Variants in CEP170 observed in about 807,000 individuals in gnomAD.
CEP170 encodes centrosomal protein of 170 kDa.
In CEP170, 21 loss-of-function variants were observed where a neutral mutation model predicts 151.9. The ratio of observed to expected loss-of-function variants is 0.14; its 90% CI spans 0.10 to 0.20. CEP170 has a LOEUF of 0.20. CEP170 is among the 10% of genes least tolerant of loss of function. CEP170 has a pLI of 1.00. For missense variants in CEP170, 964 were observed against 1,892.9 expected (o/e 0.51, Z 9.11); for synonymous variants, 356 against 648.8 (o/e 0.55, Z 6.86).
intron 1 of CEP170, among the ~76,000 whole-genome samples, chr1:243,233,367 ACT>A (rs936550414): frequency 1.3e-5 from 2 of 152,158 alleles, no homozygotes; most frequent in Non-Finnish European, 2.9e-5. Flanking sequence ...ACAAAGAAAA[ACT>A]CTGCAGCTAT....
rs1015382555 is a variant in CEP170, at chr1:243,255,231, T to G, written c.-233A>C. 1 of 152,574 alleles carries G rather than the reference T, an allele frequency of 6.6e-6. No individual in the cohort carries two copies. Among genetic ancestry groups the G allele is most frequent in the Non-Finnish European group, 1.5e-5 (1 of 68,074 alleles). 9.5% of individuals were successfully genotyped at this position (152,574 alleles called of 1,614,324 possible). On this transcript the variant is annotated 5_prime_UTR_variant, in exon 1 of 20. The change abolishes an upstream ATG in the 5' untranslated region. Coordinates refer to ENST00000366542, the MANE Select transcript of CEP170 (RefSeq NM_014812.3). Reference sequence around the variant, plus strand: ...CGTTATTCCACACACGCCCCACACATAGCGGTAACGGCAAAGACCGACTGC... The same window carrying G: ...CGTTATTCCACACACGCCCCACACAGAGCGGTAACGGCAAAGACCGACTGC...
intron 10 of CEP170, among the ~76,000 whole-genome samples, chr1:243,181,425 G>T (rs2059609190): frequency 6.6e-6 from 1 of 152,128 alleles, no homozygotes; most frequent in African/African-American, 2.4e-5. Context: ...AAAATAAGGT[G>T]ATCTATTGAG....
chr1:243,161,462 A>G (rs2058060472), intron 13 of CEP170, among the ~76,000 whole-genome samples: 1 of 151,916 alleles, frequency 6.6e-6, no homozygotes, highest in African/African-American at 2.4e-5. Context: ...TATCACATAC[A>G]TTTCTTTAAA....
intron 4 of CEP170, among the ~76,000 whole-genome samples, chr1:243,204,989 A>T (rs1230279710): frequency 6.6e-6 from 1 of 152,122 alleles, no homozygotes; most frequent in Non-Finnish European, 1.5e-5. Flanking sequence ...AAAGACAATG[A>T]TCTCCCAGAG....
chr1:243,149,601 A>G (rs1301113522), intron 14 of CEP170, among the ~76,000 whole-genome samples: 1 of 152,234 alleles, frequency 6.6e-6, no homozygotes, highest in Non-Finnish European at 1.5e-5. Flanking sequence ...CTTGGCAGAT[A>G]TGCCTTATTG....
intron 1 of CEP170, among the ~76,000 whole-genome samples, chr1:243,240,107 T>G (rs1189229848): frequency 6.6e-6 from 1 of 152,098 alleles, no homozygotes; most frequent in Non-Finnish European, 1.5e-5. Flanking sequence ...AGTCAGAAGT[T>G]TGAGACCAGT....
intron 14 of CEP170, among the ~76,000 whole-genome samples, chr1:243,147,826 T>G (rs1201922416): frequency 6.6e-6 from 1 of 152,300 alleles, no homozygotes; most frequent in East Asian, 1.9e-4. Flanking sequence ...AAATTTTCAA[T>G]TTGGAATCTT....
At chr1:243,129,335 T>G (rs995762314) in intron 18 of CEP170, 25 bp downstream of exon 18, 8 of 1,528,196 alleles carry the variant, frequency 5.2e-6, no homozygotes, top group Non-Finnish European at 7.0e-6. Context: ...TAAAATGTTT[T>G]AATCTTCAAG....
intron 14 of CEP170, among the ~76,000 whole-genome samples, chr1:243,142,824 A>G (rs2056014014): frequency 6.6e-6 from 1 of 152,170 alleles, no homozygotes; most frequent in Non-Finnish European, 1.5e-5. Context: ...ATGAGAAAAA[A>G]CAATTACAAT....
chr1:243,248,552 C>T (rs141358346), intron 1 of CEP170, among the ~76,000 whole-genome samples: 3,136 of 152,274 alleles, frequency 0.021, 49 homozygotes, highest in Middle Eastern at 0.034. Flanking sequence ...TCCACTTGGG[C>T]GTTTAACAGA....
intron 7 of CEP170, among the ~76,000 whole-genome samples, chr1:243,193,860 A>G (rs2060469266): frequency 1.3e-5 from 2 of 151,788 alleles, no homozygotes; most frequent in Admixed American, 1.3e-4. Flanking sequence ...ATCTTCCCAT[A>G]AGATTGTTGT....
intron 1 of CEP170, among the ~76,000 whole-genome samples, chr1:243,234,069 A>C (rs1419451283): frequency 6.6e-6 from 1 of 152,172 alleles, no homozygotes; most frequent in Non-Finnish European, 1.5e-5. Context: ...ATGGTCTGGC[A>C]ATTGGCTGGC....
intron 6 of CEP170, 137 bp downstream of exon 6, chr1:243,200,381 G>T: frequency 1.4e-6 from 1 of 739,638 alleles, no homozygotes; most frequent in South Asian, 1.9e-5. Flanking sequence ...GAAAGCACTG[G>T]TAGCATTAAA....
At chr1:243,195,009 T>A (rs2060550294) in intron 7 of CEP170, among the ~76,000 whole-genome samples, 1 of 151,854 alleles carries the variant, frequency 6.6e-6, no homozygotes, top group African/African-American at 2.4e-5. Context: ...CCAGAATAAA[T>A]GTTCTTTTCA....
At chr1:243,227,730 GGGCAA>G (rs1442748033) in intron 1 of CEP170, among the ~76,000 whole-genome samples, 5 of 152,156 alleles carry the variant, frequency 3.3e-5, no homozygotes, top group Non-Finnish European at 7.4e-5. Context: ...TGTAATGTCA[GGGCAA>G]ATGTCAATAC....
At chr1:243,197,122 A>C (rs1301054190) in intron 7 of CEP170, among the ~76,000 whole-genome samples, 4 of 152,130 alleles carry the variant, frequency 2.6e-5, no homozygotes. Context: ...TGTGTTATAC[A>C]AAATAAACTG....
chr1:243,165,747 G>C lies in CEP170; in HGVS notation c.2213C>G (p.Thr738Ser), dbSNP rs3766664. 9 of 1,560,464 alleles carry C rather than the reference G, an allele frequency of 5.8e-6. No individual in the cohort carries two copies. Among genetic ancestry groups the C allele is most frequent in the Non-Finnish European group, 7.0e-6 (8 of 1,147,720 alleles). The change falls in exon 13 of 20, where the codon ACT becomes AGT. Residue 738 changes from threonine (T) to serine (S), a missense_variant. Physicochemically the swap from Thr to Ser is moderately conservative, Grantham distance 58. Transcript: ENST00000366542. The stretch of plus-strand genomic sequence containing the variant: ...TGCTAATGTTTGCTTTACCAAAGAA[G>C]TTTCCTTATCAGTTTCACTTTTCTC... The part of the protein sequence containing the change: ...GKEKSETDKE[T>S]SLVKQTLAKL...
intron 1 of CEP170, among the ~76,000 whole-genome samples, chr1:243,242,363 C>A (rs138360690): frequency 0.014 from 2,064 of 152,114 alleles, 55 homozygotes; most frequent in African/African-American, 0.048. Context: ...GGACTACAGG[C>A]GCCCGCCACC....
chr1:243,217,038 CCTA>C (rs139647651), intron 3 of CEP170, among the ~76,000 whole-genome samples: 6 of 152,272 alleles, frequency 3.9e-5, no homozygotes, highest in African/African-American at 1.2e-4. Flanking sequence ...GATAGTATAG[CCTA>C]CTACACACCC....
Sources: gnomAD v4.1 joint callset for allele counts (sites outside exome capture counted in the v4.1 genomes callset) on GRCh38, gnomAD v4.1.1 for gene constraint, MANE v1.5 for transcripts, NCBI Gene and HGNC (gene_info 2026-07-23, HGNC 2026-07-21) for gene names.